The following TOP6BL variants were observed in gnomAD, a reference collection of about 807,000 sequenced individuals.
TOP6BL encodes the protein type 2 DNA topoisomerase 6 subunit B-like.
chr11:66,842,469 C>T, the TOP6BL span, among the ~76,000 whole-genome samples: 1 of 152,184 alleles, frequency 6.6e-6, no homozygotes, highest in Non-Finnish European at 1.5e-5. Context: ...CTGCTCAATG[C>T]AACGTGAGCA....
chr11:66,810,460 T>C, the TOP6BL span, among the ~76,000 whole-genome samples: 1 of 152,188 alleles, frequency 6.6e-6, no homozygotes, highest in Non-Finnish European at 1.5e-5. Context: ...TTTGCCAAGG[T>C]TAAGGATGTT....
chr11:66,788,746 A>AT, the TOP6BL span, among the ~76,000 whole-genome samples: 797 of 152,068 alleles, frequency 5.2e-3, 6 homozygotes, highest in Non-Finnish European at 6.1e-3. Flanking sequence ...TTTATTGAAA[A>AT]TTTTTTTGGT....
At chr11:66,825,001 A>G in the TOP6BL span, among the ~76,000 whole-genome samples, 1 of 151,944 alleles carries the variant, frequency 6.6e-6, no homozygotes, top group Non-Finnish European at 1.5e-5. Flanking sequence ...TTGTAGTTCT[A>G]GATCCCTGAG....
chr11:66,775,112 CA>C, the TOP6BL span, among the ~76,000 whole-genome samples: 144 of 57,992 alleles, frequency 2.5e-3, no homozygotes, highest in South Asian at 0.01. Flanking sequence ...GACTCTGTCT[CA>C]AAAAAAAAAA....
the TOP6BL span, among the ~76,000 whole-genome samples, chr11:66,782,957 A>T: frequency 2.6e-5 from 4 of 152,276 alleles, no homozygotes; most frequent in East Asian, 7.7e-4. Context: ...TCATGTTTAA[A>T]TGGACATGGT....
chr11:66,843,034 G>A, the TOP6BL span: 2 of 1,556,548 alleles, frequency 1.3e-6, no homozygotes, highest in Admixed American at 3.9e-5. Flanking sequence ...CAGGGCCCTG[G>A]CGCCGGGCAG....
chr11:66,746,802 G>A, the TOP6BL span, among the ~76,000 whole-genome samples: 778 of 152,000 alleles, frequency 5.1e-3, 3 homozygotes, highest in African/African-American at 0.018. Flanking sequence ...CCTGAGCCCG[G>A]GAGGTTGAGG....
the TOP6BL span, among the ~76,000 whole-genome samples, chr11:66,822,350 G>T: frequency 8.6e-5 from 13 of 151,888 alleles, no homozygotes; most frequent in Non-Finnish European, 1.6e-4. Flanking sequence ...GTGTCAGTAA[G>T]TCACCTCTGT....
chr11:66,799,714 G>A, the TOP6BL span, among the ~76,000 whole-genome samples: 34 of 149,688 alleles, frequency 2.3e-4, no homozygotes, highest in African/African-American at 7.4e-4. Flanking sequence ...CTGAAACTCC[G>A]TCTCAAAAAA....
At chr11:66,744,840 C>CGGCGGCGGG in the TOP6BL span, 7 of 1,329,288 alleles carry the variant, frequency 5.3e-6, no homozygotes, top group Non-Finnish European at 6.8e-6. Flanking sequence ...GCGGCGGCGG[C>CGGCGGCGGG]GGCGGGCGGG....
chr11:66,820,982 C>A, the TOP6BL span, among the ~76,000 whole-genome samples: 1 of 152,070 alleles, frequency 6.6e-6, no homozygotes, highest in East Asian at 1.9e-4. Context: ...GGCATCTTTC[C>A]CACTCCCAGT....
the TOP6BL span, among the ~76,000 whole-genome samples, chr11:66,790,984 C>T: frequency 6.6e-6 from 1 of 152,164 alleles, no homozygotes; most frequent in African/African-American, 2.4e-5. Context: ...CAAGGATTTC[C>T]TCATGCATTT....
the TOP6BL span, among the ~76,000 whole-genome samples, chr11:66,765,346 GC>G: frequency 6.6e-6 from 1 of 152,130 alleles, no homozygotes; most frequent in Non-Finnish European, 1.5e-5. Context: ...AGTGTGAGTG[GC>G]TAACTCTTCG....
the TOP6BL span, chr11:66,838,246 G>C: frequency 1.3e-6 from 1 of 741,490 alleles, no homozygotes; most frequent in East Asian, 2.7e-5. Flanking sequence ...GGAGGAAGAG[G>C]GAGTTCCAGG....
the TOP6BL span, among the ~76,000 whole-genome samples, chr11:66,802,500 G>T: frequency 6.6e-6 from 1 of 151,972 alleles, no homozygotes; most frequent in African/African-American, 2.4e-5. Flanking sequence ...AGATGAGGTT[G>T]TTGCCTAGGC....
chr11:66,806,353 G>A, the TOP6BL span, among the ~76,000 whole-genome samples: 1 of 152,154 alleles, frequency 6.6e-6, no homozygotes, highest in Non-Finnish European at 1.5e-5. Context: ...GCTCGTTTTA[G>A]AATTAAGTAT....
the TOP6BL span, among the ~76,000 whole-genome samples, chr11:66,775,841 C>A: frequency 5.3e-5 from 8 of 152,080 alleles, no homozygotes; most frequent in African/African-American, 1.9e-4. Context: ...CTTTAAAATT[C>A]TTTTCATAAT....
chr11:66,792,997 C>T, the TOP6BL span, among the ~76,000 whole-genome samples: 1 of 152,120 alleles, frequency 6.6e-6, no homozygotes, highest in African/African-American at 2.4e-5. Context: ...ATACCAATTG[C>T]AGTTATTATT....
chr11:66,754,439 GT>G, the TOP6BL span, among the ~76,000 whole-genome samples: 1 of 151,950 alleles, frequency 6.6e-6, no homozygotes, highest in African/African-American at 2.4e-5. Flanking sequence ...CCTCGTTCTT[GT>G]TTCCCTTGTA....
Sources: allele counts gnomAD v4.1 joint callset (sites outside exome capture counted in the v4.1 genomes callset), GRCh38; gene constraint gnomAD v4.1.1; transcripts MANE v1.5; gene names NCBI Gene and HGNC (gene_info 2026-07-23, HGNC 2026-07-21).